Variants in HNRNPA3 observed in about 807,000 individuals in gnomAD.
HNRNPA3 encodes the protein heterogeneous nuclear ribonucleoprotein A3.
HNRNPA3 carries 3 observed loss-of-function variants against 45.8 expected under a neutral mutation model. The ratio of observed to expected loss-of-function variants is 0.07; its 90% CI spans 0.03 to 0.17. The LOEUF (loss-of-function observed/expected upper bound fraction) is 0.17, where lower values mean the gene tolerates loss of function less well. Among genes scored for constraint, HNRNPA3 ranks in the 10% least tolerant of loss-of-function variants. The pLI is 1.00. For missense variants in HNRNPA3, 183 were observed against 480.3 expected (o/e 0.38, Z 5.79); for synonymous variants, 170 against 155.6 (o/e 1.09, Z -0.69).
At chr2:177,222,390 A>G (rs1016806242), downstream of HNRNPA3, 1 of 152,222 alleles carries the variant, frequency 6.6e-6, no homozygotes, top group African/African-American at 2.4e-5. Flanking sequence ...CTTCAGGGTA[A>G]ACTCAATTTT....
At chr2:177,215,400 C>A (rs1219504022) in intron 1 of HNRNPA3, 139 bp from the exon 2 acceptor site, 3 of 913,394 alleles carry the variant, frequency 3.3e-6, no homozygotes, top group Non-Finnish European at 5.1e-6. Flanking sequence ...GGTGTCTGGT[C>A]AAAGTTTTAA....
downstream of HNRNPA3, chr2:177,221,291 C>T (rs1436153096): frequency 2.6e-5 from 4 of 152,498 alleles, no homozygotes; most frequent in Non-Finnish European, 5.9e-5. Flanking sequence ...GGTACCTGGT[C>T]AAAATAATGC....
rs768843677 is a variant in HNRNPA3, at chr2:177,216,660, C to T, written c.644-16C>T. ...GTTTGTAAGGTTCTTAAAAATCTCC[C>T]TTGCCTGTATTAAAGGTCGTGGAGG... On this transcript the variant is annotated splice_polypyrimidine_tract_variant and intron_variant, in intron 5 of 10. Coordinates refer to ENST00000392524, the Ensembl canonical transcript of HNRNPA3. The T allele has an allele frequency of 1.5e-5, 25 of 1,613,882 alleles. 1 individual carries two copies. The South Asian group carries it at 2.6e-4, about 17-fold the overall frequency.
chr2:177,218,975 C>T (rs991903007), intron 8 of HNRNPA3, 62 bp from the exon 9 acceptor site: 18 of 1,587,582 alleles, frequency 1.1e-5, no homozygotes, highest in South Asian at 5.7e-5. Flanking sequence ...TAGTTACATA[C>T]GTTAAAAGGG....
At chr2:177,222,652 A>G (rs1309596645), downstream of HNRNPA3, 1 of 152,324 alleles carries the variant, frequency 6.6e-6, no homozygotes, top group East Asian at 1.9e-4. Flanking sequence ...AAAAATAGAA[A>G]AATTAGTTGG....
intron 1 of HNRNPA3, among the ~76,000 whole-genome samples, chr2:177,213,662 A>G (rs1314345664): frequency 6.6e-6 from 1 of 152,098 alleles, no homozygotes; most frequent in Non-Finnish European, 1.5e-5. Flanking sequence ...TAGATGTGAA[A>G]AACAACCCAG....
Position 177,216,611 on chromosome 2 carries a change from A to C in HNRNPA3, c.643+19A>C. ...CAGAGAGGTGAGTAGGACCATACAC[A>C]TGTATACAGTGGATATGAGTGGTGT... is the stretch of plus-strand genomic sequence containing the variant. On this transcript the variant is annotated intron_variant, in intron 5 of 10. Coordinates refer to ENST00000392524, the Ensembl canonical transcript of HNRNPA3. The C allele has an allele frequency of 6.2e-7, 1 of 1,611,956 alleles. No homozygotes were observed. Among genetic ancestry groups the C allele is most frequent in the Non-Finnish European group, 8.5e-7 (1 of 1,177,992 alleles).
chr2:177,215,726 G>C, intron 2 of HNRNPA3, 24 bp from the exon 3 acceptor site: 1 of 1,582,298 alleles, frequency 6.3e-7, no homozygotes, highest in East Asian at 2.3e-5. Flanking sequence ...TGTTTTCAAC[G>C]TTATAAAACT....
chr2:177,215,397 G>C (rs1189341740), intron 1 of HNRNPA3, 142 bp from the exon 2 acceptor site: 15 of 859,458 alleles, frequency 1.7e-5, no homozygotes, highest in Non-Finnish European at 2.6e-5. Flanking sequence ...GCCGGTGTCT[G>C]GTCAAAGTTT....
downstream of HNRNPA3, chr2:177,222,440 G>A (rs1388752435): frequency 6.6e-6 from 1 of 152,132 alleles, no homozygotes; most frequent in Non-Finnish European, 1.5e-5. Flanking sequence ...CCGTTTTGGT[G>A]TGTAAGCATG....
chr2:177,216,246 A>T (rs1688925375), intron 4 of HNRNPA3, 58 bp downstream of exon 4: 1 of 1,221,434 alleles, frequency 8.2e-7, no homozygotes, highest in African/African-American at 1.5e-5. Flanking sequence ...TTCTGTTTTG[A>T]ACTAAATTTG....
exon 3 of HNRNPA3, chr2:177,215,762 C>T (rs1232475485): frequency 1.2e-6 from 2 of 1,607,690 alleles, no homozygotes. Flanking sequence ...AATGAGAGAC[C>T]CCCAAACAAA....
chr2:177,221,782 G>A (rs1689196012), downstream of HNRNPA3: 1 of 152,668 alleles, frequency 6.6e-6, no homozygotes, highest in African/African-American at 2.4e-5. Flanking sequence ...CAACTACAGA[G>A]AAGTGAAGGC....
intron 1 of HNRNPA3, among the ~76,000 whole-genome samples, chr2:177,213,125 C>G (rs565758382): frequency 1.3e-5 from 2 of 151,438 alleles, no homozygotes; most frequent in Non-Finnish European, 3.0e-5. Context: ...GGAAGCCGGC[C>G]TGCCGGCTGC....
At position 177,217,711 on chromosome 2, in the gene HNRNPA3, A is replaced by G. The variant is rs143598547; in HGVS notation, c.827A>G (p.Asn276Ser). The G allele has an allele frequency of 4.3e-5, 69 of 1,612,642 alleles. 1 individual carries two copies. In the African/African-American group the frequency reaches 6.9e-4, roughly 16 times the overall value. Residue 276 changes from asparagine to serine, a missense_variant, in exon 8 of 11, where the codon AAC becomes AGC. Around this residue, in one of 2 missense-constraint regions of HNRNPA3, gnomAD observed 123 missense variants for 228.8 expected, o/e 0.54. Transcript: ENST00000392524. Reference sequence around the variant, plus strand: ...TTATTTGTTGTTTTTTTAGGTGGCAACTATGGCGGTGGTCCTGGTTATAGT... The same window carrying G: ...TTATTTGTTGTTTTTTTAGGTGGCAGCTATGGCGGTGGTCCTGGTTATAGT...
At chr2:177,221,618 T>C (rs1689190208), downstream of HNRNPA3, 1 of 152,628 alleles carries the variant, frequency 6.6e-6, no homozygotes, top group Non-Finnish European at 1.5e-5. Flanking sequence ...AAGTAAGCCA[T>C]GAGGAGAGCG....
exon 5 of HNRNPA3, chr2:177,216,529 C>T: frequency 6.2e-7 from 1 of 1,612,888 alleles, no homozygotes; most frequent in Non-Finnish European, 8.5e-7. Context: ...TATTAATGGG[C>T]ATAATTGTGA....
chr2:177,217,694 T>C lies in HNRNPA3; in HGVS notation c.821-11T>C. ...GTTTTTGTGTGGTCTTGTTATTTGT[T>C]GTTTTTTTAGGTGGCAACTATGGCG... On this transcript the variant is annotated splice_polypyrimidine_tract_variant and intron_variant, in intron 7 of 10. Coordinates refer to ENST00000392524, the Ensembl canonical transcript of HNRNPA3. 1 of 1,612,370 alleles carries C rather than the reference T, an allele frequency of 6.2e-7. No individual in the cohort carries two copies. Among genetic ancestry groups the C allele is most frequent in the Non-Finnish European group, 8.5e-7 (1 of 1,179,830 alleles).
intron 7 of HNRNPA3, among the ~76,000 whole-genome samples, chr2:177,217,367 C>T (rs989417421): frequency 1.3e-5 from 2 of 152,216 alleles, no homozygotes; most frequent in Middle Eastern, 6.8e-3. Flanking sequence ...TAATATAAAA[C>T]CAGAGTTGAG....
Sources: gnomAD v4.1 joint callset for allele counts (sites outside exome capture counted in the v4.1 genomes callset) on GRCh38, gnomAD v4.1.1 for gene constraint, gnomAD v4.1.1 regional missense constraint, MANE v1.5 for transcripts, NCBI Gene and HGNC (gene_info 2026-07-23, HGNC 2026-07-21) for gene names.